The following TAOK3 variants were observed in gnomAD, a reference collection of about 807,000 sequenced individuals.
The protein encoded by TAOK3 is serine/threonine-protein kinase TAO3.
Under a neutral mutation model 120.4 loss-of-function variants are expected in TAOK3, and 40 were observed. The ratio of observed to expected loss-of-function variants is 0.33; its 90% CI spans 0.26 to 0.43. The LOEUF is 0.43. TAOK3 is among the 20% of genes least tolerant of loss of function. The probability of loss-of-function intolerance (pLI) is 1.00; values close to 1 mark genes in which losing one functional copy is unlikely to be tolerated. For synonymous variants in TAOK3, 355 were observed against 387.5 expected, an observed-to-expected ratio of 0.92 and a Z score of 0.99; for missense variants, 821 against 1,112.1, an observed-to-expected ratio of 0.74 and a Z score of 3.72.
intron 16 of TAOK3, among the ~76,000 whole-genome samples, chr12:118,176,995 G>A (rs1269446754): frequency 6.6e-6 from 1 of 152,160 alleles, no homozygotes; most frequent in African/African-American, 2.4e-5. Context: ...TCCAACTCCT[G>A]ACCTCAGGTG....
At chr12:118,360,850 C>A (rs1042725874) in intron 1 of TAOK3, among the ~76,000 whole-genome samples, 1 of 152,134 alleles carries the variant, frequency 6.6e-6, no homozygotes, top group Non-Finnish European at 1.5e-5. Context: ...CCAATTTAAA[C>A]CTAAACAGAA....
At position 118,243,489 on chromosome 12, in the gene TAOK3, T is replaced by C. The variant is rs780457119; in HGVS notation, c.220A>G (p.Lys74Glu). 3.3e-6 allele frequency: 5 copies of C among 1,516,446 alleles called. No individual in the cohort carries two copies. The highest frequency in any genetic ancestry group is 4.4e-6 in the Non-Finnish European group (5 of 1,135,554). 93.9% of individuals were successfully genotyped at this position (1,516,446 alleles called of 1,614,324 possible). Residue 74 changes from lysine (K) to glutamate (E), a missense_variant, in exon 5 of 21, where the codon AAA becomes GAA. Lys to Glu is a moderately conservative substitution (Grantham distance 56). Around this residue, in one of 2 missense-constraint regions of TAOK3, gnomAD observed 467 missense variants for 540.0 expected, o/e 0.86. Transcript: ENST00000392533. ...EKWQDILKEVKFLRQLKHPNT... is the reference protein window; with the variant it reads ...EKWQDILKEVEFLRQLKHPNT... ...GGATGCTTCAATTGTCGTAAAAATT[T>C]AACTTCCTTAAGAATATCTTGCCAT...
intron 1 of TAOK3, among the ~76,000 whole-genome samples, chr12:118,290,185 G>T (rs982250367): frequency 6.6e-6 from 1 of 152,142 alleles, no homozygotes; most frequent in Non-Finnish European, 1.5e-5. Context: ...TGTACAGGAT[G>T]TAAGATCCAA....
chr12:118,184,946 T>C (rs568114556), intron 14 of TAOK3, among the ~76,000 whole-genome samples: 1 of 152,348 alleles, frequency 6.6e-6, no homozygotes, highest in African/African-American at 2.4e-5. Flanking sequence ...TGAAAGTGCC[T>C]AGCAGGGTGT....
chr12:118,365,179 G>T (rs117117519), intron 1 of TAOK3, among the ~76,000 whole-genome samples: 1 of 152,314 alleles, frequency 6.6e-6, no homozygotes, highest in East Asian at 1.9e-4. Context: ...TGTAGCAGAT[G>T]AATAATGCTA....
chr12:118,276,409 A>T lies in TAOK3; in HGVS notation c.-193-9650T>A, dbSNP rs1226278203. 3.3e-5 allele frequency among the ~76,000 whole-genome samples: 5 copies of T among 152,310 alleles called. No homozygotes were observed. In the East Asian group the frequency reaches 9.7e-4, roughly 29 times the overall value. On this transcript the variant is annotated intron_variant, in intron 1 of 20. Coordinates refer to ENST00000392533, the MANE Select transcript of TAOK3 (RefSeq NM_016281.4). The stretch of plus-strand genomic sequence containing the variant: ...AAAAGATGAAATTGCCCATTTATAA[A>T]ACTGTAATATGGCCGGGCGCGGTGG...
intron 1 of TAOK3, among the ~76,000 whole-genome samples, chr12:118,343,721 A>G (rs2044728762): frequency 6.6e-6 from 1 of 152,152 alleles, no homozygotes; most frequent in Non-Finnish European, 1.5e-5. Flanking sequence ...CTTATAAAAA[A>G]TCCACTAGAG....
Position 118,152,406 on chromosome 12 carries a change from G to A in TAOK3, c.2356C>T (p.Arg786Trp), listed in dbSNP as rs781114560. 7 of 1,609,898 alleles carry A rather than the reference G, an allele frequency of 4.3e-6. No homozygotes were observed. The highest frequency in any genetic ancestry group is 5.1e-6 in the Non-Finnish European group (6 of 1,178,728). Residue 786 changes from arginine (R) to tryptophan (W), a missense_variant, in exon 20 of 21, where the codon CGG (arginine) becomes TGG (tryptophan). By Grantham distance (101) the Arg-to-Trp change is moderately radical (BLOSUM62 -3). Around this residue, in one of 2 missense-constraint regions of TAOK3, gnomAD observed 354 missense variants for 572.1 expected, o/e 0.62. Coordinates refer to ENST00000392533, the MANE Select transcript of TAOK3 (RefSeq NM_016281.4). ...INEMMASQAL[R>W]LDEAQEAECQ... is the part of the protein sequence containing the mutation. ...TCTGCTTCTTGAGCCTCATCTAGCC[G>A]TAACTGCGGACACAGAAGACACACA...
intron 16 of TAOK3, among the ~76,000 whole-genome samples, chr12:118,174,467 G>A (rs962191165): frequency 1.1e-4 from 16 of 150,700 alleles, no homozygotes; most frequent in Non-Finnish European, 1.5e-5. Context: ...GCCAAAAATT[G>A]ACGTATGCTT....
intron 1 of TAOK3, among the ~76,000 whole-genome samples, chr12:118,289,312 A>G (rs1024578759): frequency 1.1e-4 from 17 of 151,516 alleles, no homozygotes; most frequent in Non-Finnish European, 2.4e-4. Context: ...AAAAAAAAAA[A>G]AAAAAGAAAA....
At chr12:118,174,164 T>C (rs1484319443) in intron 16 of TAOK3, among the ~76,000 whole-genome samples, 1 of 152,200 alleles carries the variant, frequency 6.6e-6, no homozygotes, top group Non-Finnish European at 1.5e-5. Context: ...TTCTGGACCA[T>C]CTATCATTCT....
At chr12:118,258,421 G>A (rs2041083801) in intron 2 of TAOK3, among the ~76,000 whole-genome samples, 1 of 152,088 alleles carries the variant, frequency 6.6e-6, no homozygotes, top group Non-Finnish European at 1.5e-5. Context: ...CAAAATGAGA[G>A]TTCAAAAACT....
intron 9 of TAOK3, among the ~76,000 whole-genome samples, chr12:118,226,219 C>CA (rs1565977448): frequency 6.6e-6 from 1 of 152,150 alleles, no homozygotes. Flanking sequence ...ACTGAAAATA[C>CA]AAAAAAATTA....
chr12:118,299,605 G>A (rs1361984206), intron 1 of TAOK3, among the ~76,000 whole-genome samples: 1 of 152,080 alleles, frequency 6.6e-6, no homozygotes, highest in Non-Finnish European at 1.5e-5. Flanking sequence ...TGCCTCCCAG[G>A]TTCAAGCAAT....
intron 1 of TAOK3, among the ~76,000 whole-genome samples, chr12:118,338,823 G>A (rs2044479720): frequency 6.8e-6 from 1 of 148,102 alleles, no homozygotes; most frequent in Non-Finnish European, 1.5e-5. Context: ...AAGAGAAAAC[G>A]GAGCAAATGA....
chr12:118,247,073 T>C (rs1222761545), intron 3 of TAOK3: 10 of 548,256 alleles, frequency 1.8e-5, no homozygotes, highest in East Asian at 3.1e-5. Flanking sequence ...TGCTATCTGA[T>C]AGAACTTTCT....
intron 2 of TAOK3, among the ~76,000 whole-genome samples, chr12:118,258,438 G>C (rs945149178): frequency 1.3e-5 from 2 of 152,178 alleles, no homozygotes; most frequent in Non-Finnish European, 2.9e-5. Context: ...AACTGGCCGG[G>C]CGCAGTGGCT....
chr12:118,277,954 A>G (rs1461981744), intron 1 of TAOK3, among the ~76,000 whole-genome samples: 1 of 152,174 alleles, frequency 6.6e-6, no homozygotes, highest in Non-Finnish European at 1.5e-5. Context: ...CCAAAACTGC[A>G]TACAGCTCTA....
chr12:118,190,158 A>G, intron 13 of TAOK3: 1 of 528,604 alleles, frequency 1.9e-6, no homozygotes, highest in Non-Finnish European at 3.3e-6. Flanking sequence ...ATGCCTTCTG[A>G]ATCCCTGGCA....
Sources: gnomAD v4.1 joint callset for allele counts (sites outside exome capture counted in the v4.1 genomes callset) on GRCh38, gnomAD v4.1.1 for gene constraint, gnomAD v4.1.1 regional missense constraint, MANE v1.5 for transcripts, NCBI Gene and HGNC (gene_info 2026-07-23, HGNC 2026-07-21) for gene names.